The following PCDH15 variants were observed in gnomAD, a reference collection of about 807,000 sequenced individuals.
The protein encoded by PCDH15 is protocadherin related 15.
Under a neutral mutation model 178.5 loss-of-function variants are expected in PCDH15, and 129 were observed. That is an observed-to-expected ratio of 0.72 (90% CI 0.63 to 0.84). The LOEUF is 0.84. Among genes scored for constraint, PCDH15 ranks in the 40% least tolerant of loss-of-function variants. The probability of loss-of-function intolerance (pLI) is 0.00; values close to 1 mark genes in which losing one functional copy is unlikely to be tolerated. For synonymous variants in PCDH15, 800 were observed against 732.0 expected, an observed-to-expected ratio of 1.09 and a Z score of -1.50; for missense variants, 2,230 against 2,099.9, an observed-to-expected ratio of 1.06 and a Z score of -1.21.
chr10:54,032,121 G>A (rs964531690), intron 18 of PCDH15, among the ~76,000 whole-genome samples: 8 of 151,296 alleles, frequency 5.3e-5, no homozygotes, highest in African/African-American at 9.7e-5. Flanking sequence ...CTCTGTGGGC[G>A]AACATATTCT....
At chr10:54,329,949 A>T (rs575539430) in intron 6 of PCDH15, among the ~76,000 whole-genome samples, 246 of 151,936 alleles carry the variant, frequency 1.6e-3, no homozygotes, top group Non-Finnish European at 2.5e-3. Context: ...CATAGTTTTT[A>T]ATATATTACT....
chr10:53,826,573 A>C (rs564039929), intron 32 of PCDH15, among the ~76,000 whole-genome samples: 7 of 151,850 alleles, frequency 4.6e-5, no homozygotes, highest in African/African-American at 1.7e-4. Context: ...GTTGTTTTAC[A>C]TATCATGTCC....
chr10:53,908,864 A>G (rs952615339), intron 25 of PCDH15, among the ~76,000 whole-genome samples: 1 of 152,178 alleles, frequency 6.6e-6, no homozygotes, highest in African/African-American at 2.4e-5. Context: ...TACCAGATTT[A>G]TATTTGTTAA....
intron 29 of PCDH15, among the ~76,000 whole-genome samples, chr10:53,834,318 G>A (rs191021532): frequency 6.6e-6 from 1 of 150,704 alleles, no homozygotes; most frequent in East Asian, 2.0e-4. Flanking sequence ...TACTAAAAAT[G>A]TTAAACTGTT....
chr10:55,305,664 C>A (rs148633394), intron 1 of PCDH15, among the ~76,000 whole-genome samples: 1 of 152,302 alleles, frequency 6.6e-6, no homozygotes, highest in Non-Finnish European at 1.5e-5. Context: ...ATAAACTACT[C>A]TGATTTACAA....
At chr10:53,903,094 G>C in intron 26 of PCDH15, 149 bp downstream of exon 26, 1 of 799,228 alleles carries the variant, frequency 1.3e-6, no homozygotes, top group East Asian at 2.8e-5. Flanking sequence ...TCTGTATTGA[G>C]TTTAGATAAC....
chr10:54,889,048 A>G (rs1554810985), intron 3 of PCDH15, among the ~76,000 whole-genome samples: 1 of 151,878 alleles, frequency 6.6e-6, no homozygotes, highest in Non-Finnish European at 1.5e-5. Flanking sequence ...GAGCATAACA[A>G]TATTACAGGC....
intron 18 of PCDH15, among the ~76,000 whole-genome samples, chr10:54,043,991 A>G (rs2093605384): frequency 2.6e-5 from 4 of 152,082 alleles, no homozygotes; most frequent in Admixed American, 2.0e-4. Context: ...CAATAACTAA[A>G]GTCAAGTTGC....
chr10:54,730,460 A>G (rs1003607857), intron 1 of PCDH15, among the ~76,000 whole-genome samples: 2 of 151,624 alleles, frequency 1.3e-5, no homozygotes, highest in East Asian at 3.9e-4. Context: ...TCATTACCCA[A>G]GTGATGAAAT....
At chr10:54,079,610 A>G (rs923309465) in intron 16 of PCDH15, among the ~76,000 whole-genome samples, 186 bp from the exon 17 acceptor site, 4 of 152,154 alleles carry the variant, frequency 2.6e-5, no homozygotes, top group Admixed American at 6.6e-5. Flanking sequence ...AGGCTGTCAA[A>G]TTTCTTAGCA....
intron 3 of PCDH15, among the ~76,000 whole-genome samples, chr10:54,885,533 A>C (rs979693897): frequency 2.0e-5 from 3 of 152,062 alleles, no homozygotes; most frequent in African/African-American, 7.2e-5. Context: ...AAAGGAACAA[A>C]ATAAATAATA....
chr10:55,042,088 T>G (rs7081117), intron 2 of PCDH15, among the ~76,000 whole-genome samples: 86,566 of 151,898 alleles, frequency 0.57, 25,017 homozygotes, highest in East Asian at 0.75. Flanking sequence ...TGAGCAAGCC[T>G]TTCTTGAGTA....
intron 1 of PCDH15, among the ~76,000 whole-genome samples, chr10:54,772,802 A>C (rs930070173): frequency 6.6e-6 from 1 of 152,192 alleles, no homozygotes; most frequent in Non-Finnish European, 1.5e-5. Context: ...TCTACTATAA[A>C]GACACATGCA....
intron 2 of PCDH15, among the ~76,000 whole-genome samples, chr10:54,964,101 A>G (rs1328550930): frequency 1.3e-5 from 2 of 152,196 alleles, no homozygotes; most frequent in African/African-American, 4.8e-5. Flanking sequence ...TTGTTCAGAT[A>G]TGGTGATCTG....
intron 26 of PCDH15, among the ~76,000 whole-genome samples, chr10:53,876,816 A>C (rs775318184): frequency 6.6e-6 from 1 of 152,196 alleles, no homozygotes; most frequent in Non-Finnish European, 1.5e-5. Context: ...AGAGATTCTA[A>C]AGAGTAAAAT....
At chr10:53,823,789 A>G (rs1426876648) in intron 32 of PCDH15, 1 of 456,746 alleles carries the variant, frequency 2.2e-6, no homozygotes, top group African/African-American at 2.0e-5. Context: ...GCTGTATCTG[A>G]TTCAGTACTT....
At chr10:55,142,300 G>T (rs1189187484) in intron 2 of PCDH15, among the ~76,000 whole-genome samples, 2 of 151,942 alleles carry the variant, frequency 1.3e-5, no homozygotes, top group Non-Finnish European at 2.9e-5. Context: ...ACTAGAAAAT[G>T]ATAACATTAA....
At chr10:54,424,031 C>T (rs999866541) in intron 3 of PCDH15, among the ~76,000 whole-genome samples, 6 of 151,704 alleles carry the variant, frequency 4.0e-5, no homozygotes, top group African/African-American at 9.7e-5. Context: ...AATTAAACTA[C>T]AGAGCTTCTG....
intron 2 of PCDH15, among the ~76,000 whole-genome samples, chr10:54,999,098 T>C (rs959881666): frequency 1.3e-5 from 2 of 152,200 alleles, no homozygotes; most frequent in Non-Finnish European, 2.9e-5. Flanking sequence ...AATGCTCATA[T>C]TTGACTCCTT....
Sources: allele counts gnomAD v4.1 joint callset (sites outside exome capture counted in the v4.1 genomes callset), GRCh38; gene constraint gnomAD v4.1.1; transcripts MANE v1.5; gene names NCBI Gene and HGNC (gene_info 2026-07-23, HGNC 2026-07-21).